TTC34: variants seen among roughly 807,000 people sequenced by gnomAD.
TTC34 encodes the protein tetratricopeptide repeat protein 34.
TTC34 carries 44 observed loss-of-function variants against 40.7 expected under a neutral mutation model. The observed-to-expected ratio is 1.08, with a 90% CI of 0.85 to 1.39. The LOEUF is 1.39. TTC34 is among the 40% of genes most tolerant of loss of function. TTC34 has a pLI of 0.00. For missense variants in TTC34, 884 were observed against 838.0 expected (o/e 1.05, Z -0.68); for synonymous variants, 422 against 398.6 (o/e 1.06, Z -0.70).
chr1:2,675,625 CT>C (rs1639884018), intron 6 of TTC34, among the ~76,000 whole-genome samples: 1 of 128,986 alleles, frequency 7.8e-6, no homozygotes, highest in South Asian at 2.3e-4. Flanking sequence ...ATCGGACAGC[CT>C]GGAGCAGCAC....
At chr1:2,800,391 G>A (rs1643758513) in exon 2 of TTC34, 1 of 398,362 alleles carries the variant, frequency 2.5e-6, no homozygotes, top group Non-Finnish European at 4.4e-6. Flanking sequence ...CAGGACCCAG[G>A]CGAGGGCGCG....
intron 6 of TTC34, among the ~76,000 whole-genome samples, chr1:2,673,069 C>G (rs1639758109): frequency 5.2e-5 from 3 of 58,190 alleles, no homozygotes; most frequent in African/African-American, 1.1e-4. Context: ...GGAACAGCAC[C>G]CTGCACCCCC....
chr1:2,752,187 A>G (rs1641341456), intron 6 of TTC34, among the ~76,000 whole-genome samples: 1 of 121,114 alleles, frequency 8.3e-6, no homozygotes, highest in East Asian at 2.8e-4. Context: ...TGAGCATCTG[A>G]CAGCCTGGAA....
intron 6 of TTC34, among the ~76,000 whole-genome samples, chr1:2,677,607 GC>G (rs200244220): frequency 2.9e-4 from 1 of 3,456 alleles, no homozygotes; most frequent in African/African-American, 1.1e-3. Context: ...ACAGCACGCT[GC>G]CCCCCCAGGT....
intron 4 of TTC34, among the ~76,000 whole-genome samples, chr1:2,786,873 G>A (rs150437607): frequency 2.0e-3 from 310 of 152,296 alleles, no homozygotes; most frequent in African/African-American, 7.1e-3. Context: ...CAGGGCATCC[G>A]AACCTGGGCA....
intron 6 of TTC34, among the ~76,000 whole-genome samples, chr1:2,753,413 C>T (rs1641393306): frequency 2.4e-5 from 3 of 127,196 alleles, no homozygotes; most frequent in African/African-American, 6.8e-5. Context: ...ACAGCACCCA[C>T]ACCCACAGGT....
intron 6 of TTC34, among the ~76,000 whole-genome samples, chr1:2,686,263 G>C (rs139569969): frequency 5.1e-3 from 325 of 63,810 alleles, no homozygotes; most frequent in Middle Eastern, 0.023. Context: ...ATCTGACAGC[G>C]TGGAGGAGCA....
chr1:2,772,996 C>A (rs1223983511), intron 6 of TTC34, among the ~76,000 whole-genome samples: 2 of 148,428 alleles, frequency 1.3e-5, no homozygotes, highest in African/African-American at 2.5e-5. Context: ...GAGCATCTGA[C>A]AGCCTGGAGC....
chr1:2,674,681 C>A (rs1639827925), intron 6 of TTC34, among the ~76,000 whole-genome samples: 2 of 79,810 alleles, frequency 2.5e-5, no homozygotes, highest in African/African-American at 4.9e-5. Flanking sequence ...CACCCACACC[C>A]CCAGGTGAGC....
chr1:2,793,186 T>G (rs1643681398), intron 2 of TTC34, among the ~76,000 whole-genome samples: 1 of 152,206 alleles, frequency 6.6e-6, no homozygotes, highest in Non-Finnish European at 1.5e-5. Context: ...CTTATTAATT[T>G]TTTTCCCCAA....
intron 6 of TTC34, among the ~76,000 whole-genome samples, chr1:2,767,218 G>C (rs1641790247): frequency 2.3e-5 from 1 of 43,792 alleles, no homozygotes; most frequent in Non-Finnish European, 4.8e-5. Flanking sequence ...GTGAGCATCT[G>C]ACAGCCTGGA....
chr1:2,690,888 G>A (rs796603367), intron 6 of TTC34, among the ~76,000 whole-genome samples: 4 of 20,206 alleles, frequency 2.0e-4, no homozygotes, highest in Non-Finnish European at 2.3e-4. Context: ...ACAGCCTGGA[G>A]CAGCACCCAC....
Position 2,681,594 on chromosome 1 carries a change from G to T in TTC34, c.2227-36031C>A, listed in dbSNP as rs539806186. Among the ~76,000 whole-genome samples, 39 of 60,160 alleles carry T rather than the reference G, an allele frequency of 6.5e-4. 9 individuals carry two copies. Among genetic ancestry groups the T allele is most frequent in the African/African-American group, 2.2e-3 (34 of 15,438 alleles). The allele number at this position is 60,160 out of a possible 152,430, so 39.5% of individuals were successfully genotyped here. A position where few individuals can be genotyped will look rare whatever the true frequency, so the allele number is the denominator to read the frequency against. On this transcript the variant is annotated intron_variant, in intron 6 of 8. Transcript: ENST00000401095. ...TGGAGCAGCATCCACACCCACAGGT[G>T]AGCATCAGACAGCCTGGAACCGCAG...
At chr1:2,691,139 A>T (rs1308772604) in intron 6 of TTC34, among the ~76,000 whole-genome samples, 4 of 60,732 alleles carry the variant, frequency 6.6e-5, no homozygotes, top group Non-Finnish European at 1.5e-4. Context: ...CAGAACCCAC[A>T]CCGCCAGGGG....
chr1:2,788,952 G>C (rs1470083953), intron 3 of TTC34, among the ~76,000 whole-genome samples: 1 of 152,134 alleles, frequency 6.6e-6, no homozygotes, highest in East Asian at 1.9e-4. Context: ...TTAGCTGGGC[G>C]TGGTGATCCC....
chr1:2,799,455 A>T (rs1643749736), intron 2 of TTC34, among the ~76,000 whole-genome samples: 1 of 152,064 alleles, frequency 6.6e-6, no homozygotes, highest in Non-Finnish European at 1.5e-5. Context: ...AAGCAAGAGA[A>T]TCTCTTGAAC....
chr1:2,800,849 A>G lies in TTC34; in HGVS notation c.-22T>C. Reference sequence around the variant, plus strand: ...TCATGTCTGGGACCCCGACGGGCCCATGTCTGGTCCTCAGAGTACCTGGGG... The same window carrying G: ...TCATGTCTGGGACCCCGACGGGCCCGTGTCTGGTCCTCAGAGTACCTGGGG... On this transcript the variant is annotated 5_prime_UTR_variant, in exon 2 of 9. It removes an upstream start codon present in the reference 5' UTR. Coordinates refer to ENST00000401095, the Ensembl canonical transcript of TTC34. 2.5e-6 allele frequency: 1 copy of G among 398,584 alleles called. No individual in the cohort carries two copies. Among genetic ancestry groups the G allele is most frequent in the Non-Finnish European group, 4.4e-6 (1 of 226,094 alleles). 24.7% of individuals were successfully genotyped at this position (398,584 alleles called of 1,614,324 possible).
At chr1:2,694,914 T>TGC (rs1640789594) in intron 6 of TTC34, among the ~76,000 whole-genome samples, 1 of 6,238 alleles carries the variant, frequency 1.6e-4, no homozygotes, top group African/African-American at 5.3e-4. Context: ...ACCCACACAC[T>TGC]CACGCGAGCA....
At chr1:2,773,052 G>GGCGAGCATCTGACAGCCTGGAGCAGCGCC (rs1642533908) in intron 6 of TTC34, among the ~76,000 whole-genome samples, 1 of 114,228 alleles carries the variant, frequency 8.8e-6, no homozygotes, top group African/African-American at 3.0e-5. Flanking sequence ...GGAGCAGCAC[G>GGCGAGCATCTGACAGCCTGGAGCAGCGCC]CACACCCCCA....
Sources: allele counts gnomAD v4.1 joint callset (sites outside exome capture counted in the v4.1 genomes callset), GRCh38; gene constraint gnomAD v4.1.1; transcripts MANE v1.5; gene names NCBI Gene and HGNC (gene_info 2026-07-23, HGNC 2026-07-21).